Variants in COG3 observed in about 807,000 individuals in gnomAD.
The protein encoded by COG3 is conserved oligomeric Golgi complex subunit 3.
COG3 carries 32 observed loss-of-function variants against 114.1 expected under a neutral mutation model. The ratio of observed to expected loss-of-function variants is 0.28; its 90% CI spans 0.21 to 0.38. The LOEUF is 0.38. COG3 is among the 10% of genes least tolerant of loss of function. The pLI is 1.00. For missense variants in COG3, 813 were observed against 973.2 expected, an observed-to-expected ratio of 0.84 and a Z score of 2.19; for synonymous variants, 352 against 365.7, an observed-to-expected ratio of 0.96 and a Z score of 0.43.
At chr13:45,530,023 C>A in intron 21 of COG3, 105 bp downstream of exon 21, 1 of 1,303,342 alleles carries the variant, frequency 7.7e-7, no homozygotes, top group Non-Finnish European at 1.0e-6. Context: ...TGTTGGTATA[C>A]TGTTCTAGTG....
At chr13:45,476,475 T>G in intron 2 of COG3, 128 bp downstream of exon 2, 1 of 976,234 alleles carries the variant, frequency 1.0e-6, no homozygotes. Context: ...TCTAGAACAT[T>G]CTTGATTTTG....
chr13:45,481,385 T>A, intron 5 of COG3, 81 bp downstream of exon 5: 1 of 737,408 alleles, frequency 1.4e-6, no homozygotes, highest in Non-Finnish European at 2.3e-6. Flanking sequence ...TTTTAATCTA[T>A]AAATTGGCTT....
intron 16 of COG3, 187 bp downstream of exon 16, chr13:45,512,041 G>C: frequency 1.9e-6 from 1 of 523,980 alleles, no homozygotes; most frequent in Non-Finnish European, 3.4e-6. Flanking sequence ...TACTATATAA[G>C]AGAGTCCAAC....
chr13:45,501,029 A>G (rs1869465618), intron 13 of COG3, among the ~76,000 whole-genome samples: 1 of 152,184 alleles, frequency 6.6e-6, no homozygotes, highest in Admixed American at 6.5e-5. Context: ...TGCCATTGTT[A>G]TTACATCATA....
intron 16 of COG3, among the ~76,000 whole-genome samples, chr13:45,513,449 A>ATATATATAATACATATAAAT (rs1436447555): frequency 5.6e-5 from 4 of 71,994 alleles, no homozygotes; most frequent in African/African-American, 3.8e-4. Context: ...CATATAAATT[A>ATATATATAATACATATAAAT]TATATATAAT....
chr13:45,508,068 T>TAAAAAAAAAAAAAAAAAA (rs10571583), intron 14 of COG3, among the ~76,000 whole-genome samples: 27 of 32,272 alleles, frequency 8.4e-4, no homozygotes, highest in African/African-American at 3.1e-3. Flanking sequence ...AGGTCCAACC[T>TAAAAAAAAAAAAAAAAAA]AAAAAAAAAA....
intron 3 of COG3, among the ~76,000 whole-genome samples, chr13:45,479,765 A>G (rs1886133198): frequency 6.6e-6 from 1 of 152,190 alleles, no homozygotes; most frequent in African/African-American, 2.4e-5. Context: ...ACATCACACC[A>G]TCTTTCAAAG....
chr13:45,493,264 G>T, intron 11 of COG3, 83 bp from the exon 12 acceptor site: 1 of 1,108,342 alleles, frequency 9.0e-7, no homozygotes, highest in South Asian at 1.5e-5. Context: ...TTATTGACTG[G>T]AAGAAATCAA....
intron 16 of COG3, among the ~76,000 whole-genome samples, chr13:45,515,029 T>C (rs1370137006): frequency 6.6e-6 from 1 of 152,250 alleles, no homozygotes; most frequent in Admixed American, 6.5e-5. Context: ...AAGAAATTGT[T>C]CTTACATACT....
chr13:45,524,936 GATGAA>G (rs2137918076), intron 19 of COG3, 35 bp from the exon 20 acceptor site: 1 of 1,516,868 alleles, frequency 6.6e-7, no homozygotes, highest in East Asian at 2.3e-5. Context: ...ATTTGTCATT[GATGAA>G]ATGAAACTTT....
intron 14 of COG3, among the ~76,000 whole-genome samples, chr13:45,504,924 C>T (rs1173226827): frequency 1.3e-5 from 2 of 152,170 alleles, no homozygotes; most frequent in African/African-American, 4.8e-5. Context: ...CAGTGGGTCA[C>T]GCCTGTAATC....
At chr13:45,517,150 T>C (rs941518183) in intron 17 of COG3, among the ~76,000 whole-genome samples, 1 of 152,202 alleles carries the variant, frequency 6.6e-6, no homozygotes, top group Non-Finnish European at 1.5e-5. Context: ...TTCTAAGAGA[T>C]TTATGCTCTG....
chr13:45,533,101 C>G (rs1157450059), intron 22 of COG3, among the ~76,000 whole-genome samples: 1 of 151,740 alleles, frequency 6.6e-6, no homozygotes, highest in Non-Finnish European at 1.5e-5. Flanking sequence ...ATGTGCTCTT[C>G]TGAGTGCTTC....
intron 7 of COG3, among the ~76,000 whole-genome samples, chr13:45,486,131 G>A (rs1158393028): frequency 1.5e-5 from 2 of 136,116 alleles, no homozygotes; most frequent in South Asian, 2.5e-4. Context: ...CCAACACAGC[G>A]AAACCCCGTC....
chr13:45,464,945 T>C lies in COG3; in HGVS notation c.-92T>C, dbSNP rs574959391. 2 of 1,467,806 alleles carry C rather than the reference T, an allele frequency of 1.4e-6. No individual in the cohort carries two copies. Among genetic ancestry groups the C allele is most frequent in the Admixed American group, 2.5e-5 (1 of 40,060 alleles). The allele number at this position is 1,467,806 out of a possible 1,614,324, so 90.9% of individuals were successfully genotyped here. The stretch of plus-strand genomic sequence containing the variant: ...GTCCCGCCCCGCCGCCGGTGCAGTG[T>C]TGGAAGCTCCGGTTCTCCCGGAAGT... On this transcript the variant is annotated 5_prime_UTR_variant, in exon 1 of 23. Coordinates refer to ENST00000349995, the MANE Select transcript of COG3 (RefSeq NM_031431.4).
intron 13 of COG3, among the ~76,000 whole-genome samples, 179 bp from the exon 14 acceptor site, chr13:45,503,065 G>T (rs929673284): frequency 3.3e-5 from 5 of 152,108 alleles, no homozygotes; most frequent in Non-Finnish European, 7.4e-5. Flanking sequence ...CTGTTATTTG[G>T]ATTGGCCAGT....
At position 45,489,185 on chromosome 13, in the gene COG3, TCAAAAA is replaced by T. The variant is rs1206616051; in HGVS notation, c.925-1729_925-1724del. On this transcript the variant is annotated intron_variant, in intron 8 of 22. Coordinates refer to ENST00000349995, the MANE Select transcript of COG3 (RefSeq NM_031431.4). Reference sequence around the variant, plus strand: ...CTGGGTGACAAAGTGAGACTCTGTTTCAAAAAAAAAAAAAAAAAAAAAAAAAAGAGC... The same window carrying T: ...CTGGGTGACAAAGTGAGACTCTGTTTAAAAAAAAAAAAAAAAAAAAAGAGC... Among the ~76,000 whole-genome samples, 140 of 23,074 alleles carry T rather than the reference TCAAAAA, an allele frequency of 6.1e-3. 1 individual carries two copies. The highest frequency in any genetic ancestry group is 8.3e-3 in the Admixed American group (14 of 1,688). The allele number at this position is 23,074 out of a possible 152,430, so 15.1% of individuals were successfully genotyped here.
At chr13:45,491,640 T>A in intron 10 of COG3, 102 bp downstream of exon 10, 1 of 1,107,368 alleles carries the variant, frequency 9.0e-7, no homozygotes, top group Non-Finnish European at 1.2e-6. Flanking sequence ...GGCCCATAGT[T>A]AACTGAAAAA....
intron 2 of COG3, among the ~76,000 whole-genome samples, chr13:45,477,226 A>G (rs188803018): frequency 6.6e-6 from 1 of 152,340 alleles, no homozygotes; most frequent in East Asian, 1.9e-4. Flanking sequence ...GCAAGCCTGT[A>G]TACCCTTGAC....
Sources: gnomAD v4.1 joint callset for allele counts (sites outside exome capture counted in the v4.1 genomes callset) on GRCh38, gnomAD v4.1.1 for gene constraint, MANE v1.5 for transcripts, NCBI Gene and HGNC (gene_info 2026-07-23, HGNC 2026-07-21) for gene names.